Variants in HLTF observed in about 807,000 individuals in gnomAD.
HLTF encodes DNA-dependent ATPase/E3 ubiquitin-protein ligase HLTF.
A neutral mutation model predicts 129.4 loss-of-function variants in HLTF; 127 were observed. That is an observed-to-expected ratio of 0.98 (90% confidence interval 0.85 to 1.14). The LOEUF is 1.14. Among genes scored for constraint, HLTF ranks in the 50% most tolerant of loss-of-function variants. HLTF has a pLI of 0.00. For missense variants in HLTF, 1,139 were observed against 1,187.1 expected, an observed-to-expected ratio of 0.96 and a Z score of 0.60; for synonymous variants, 332 against 388.8, an observed-to-expected ratio of 0.85 and a Z score of 1.72.
At chr3:149,049,467 G>C (rs951765582) in intron 15 of HLTF, among the ~76,000 whole-genome samples, 2 of 152,020 alleles carry the variant, frequency 1.3e-5, no homozygotes, top group African/African-American at 2.4e-5. Flanking sequence ...TTTTCAAAAA[G>C]TTTTAACTTT....
Position 149,074,326 on chromosome 3 carries a change from T to C in HLTF, c.418A>G (p.Asn140Asp), listed in dbSNP as rs200515493. The change falls in exon 4 of 25, where the codon AAT becomes GAT. Residue 140 changes from asparagine (N) to aspartate (D), a missense_variant. Coordinates refer to ENST00000310053, the MANE Select transcript of HLTF (RefSeq NM_003071.4). ...IEGVVPFGAN[N>D]AFTMPLHMTF... ...ATATGCAGAGGCATGGTAAAAGCAT[T>C]GTTTGCACCAAAAGGAACTACCCTA... 6.2e-7 allele frequency: 1 copy of C among 1,612,754 alleles called. No homozygotes were observed. The highest frequency in any genetic ancestry group is 2.2e-5 in the East Asian group (1 of 44,800).
chr3:149,086,469 C>T lies in HLTF; in HGVS notation c.-133G>A. The T allele has an allele frequency of 9.7e-7, 1 of 1,027,366 alleles. No homozygotes were observed. The highest frequency in any genetic ancestry group is 1.4e-6 in the Non-Finnish European group (1 of 691,318). 63.6% of individuals were successfully genotyped at this position (1,027,366 alleles called of 1,614,324 possible). A position where few individuals can be genotyped will look rare whatever the true frequency, so the allele number is the denominator to read the frequency against. Reference sequence around the variant, plus strand: ...TTCCGAGCGCCGGATCAGGAGCGCACGACTGAAAGGTAAGTCGCCGCGAGT... The same window carrying T: ...TTCCGAGCGCCGGATCAGGAGCGCATGACTGAAAGGTAAGTCGCCGCGAGT... On this transcript the variant is annotated 5_prime_UTR_variant, in exon 1 of 25. In the 5' UTR this introduces an upstream ATG that the reference lacks. Transcript: ENST00000310053.
At chr3:149,040,305 C>T in intron 20 of HLTF, 149 bp from the exon 21 acceptor site, 1 of 642,074 alleles carries the variant, frequency 1.6e-6, no homozygotes, top group Non-Finnish European at 2.6e-6. Flanking sequence ...ATTTAAGAGA[C>T]ATCTGAACAT....
At chr3:149,059,177 T>A (rs1166113298) in intron 13 of HLTF, among the ~76,000 whole-genome samples, 1 of 151,866 alleles carries the variant, frequency 6.6e-6, no homozygotes, top group African/African-American at 2.4e-5. Flanking sequence ...ACAGATAGCC[T>A]GCTATATCCC....
intron 10 of HLTF, among the ~76,000 whole-genome samples, chr3:149,061,269 G>A (rs1470561154): frequency 6.6e-6 from 1 of 151,894 alleles, no homozygotes; most frequent in Non-Finnish European, 1.5e-5. Context: ...TTGATAGCCG[G>A]GCGTGGTGGT....
Position 149,073,238 on chromosome 3 carries a change from A to G in HLTF, c.614T>C (p.Met205Thr). The G allele has an allele frequency of 6.2e-7, 1 of 1,604,604 alleles. No homozygotes were observed. The highest frequency in any genetic ancestry group is 1.1e-5 in the South Asian group (1 of 88,926). ...AGAGAAGCACACCTGTTCAGTTGTC[A>G]TCTGTACTGCAGCATGCACTGGCAT... Reference protein sequence around the residue: ...YSMPVHAAVQMTTEQLKTEFD... With the variant: ...YSMPVHAAVQTTTEQLKTEFD... Residue 205 changes from methionine to threonine, a missense_variant, in exon 5 of 25, where the codon ATG (methionine) becomes ACG (threonine). Transcript: ENST00000310053.
chr3:149,069,762 A>G (rs962838353), intron 7 of HLTF, among the ~76,000 whole-genome samples: 1 of 152,222 alleles, frequency 6.6e-6, no homozygotes, highest in South Asian at 2.1e-4. Flanking sequence ...GAAAATGAAC[A>G]AAGTGAGGCT....
At chr3:149,077,618 T>G (rs1002287009) in intron 2 of HLTF, among the ~76,000 whole-genome samples, 1 of 151,240 alleles carries the variant, frequency 6.6e-6, no homozygotes, top group African/African-American at 2.4e-5. Flanking sequence ...CTGTGAGGGC[T>G]TTGAAAAGCT....
At chr3:149,076,255 G>A (rs1719346477) in intron 2 of HLTF, among the ~76,000 whole-genome samples, 1 of 151,816 alleles carries the variant, frequency 6.6e-6, no homozygotes, top group Non-Finnish European at 1.5e-5. Flanking sequence ...TATTCATTAG[G>A]AAGTTAACAA....
At chr3:149,086,123 C>T (rs911760897) in intron 1 of HLTF, among the ~76,000 whole-genome samples, 194 bp downstream of exon 1, 1 of 152,184 alleles carries the variant, frequency 6.6e-6, no homozygotes, top group Admixed American at 6.5e-5. Context: ...TAACACGGGA[C>T]TCGCCCTAGG....
Position 149,084,717 on chromosome 3 carries a change from C to T in HLTF, c.193G>A (p.Gly65Ser). Residue 65 changes from glycine (G) to serine (S), a missense_variant, in exon 2 of 25, where the codon GGT (glycine) becomes AGT (serine). Physicochemically the swap from Gly to Ser is moderately conservative, Grantham distance 56. Transcript: ENST00000310053. ...TAATAGCGTAGTCCAACCACATGAC[C>T]TCTCAAACTTCCAAATAAAACGGAA... ...VDSVLFGSLR[G>S]HVVGLRYYTG... 1 of 1,613,894 alleles carries T rather than the reference C, an allele frequency of 6.2e-7. No individual in the cohort carries two copies. Among genetic ancestry groups the T allele is most frequent in the Non-Finnish European group, 8.5e-7 (1 of 1,179,824 alleles).
chr3:149,034,572 A>G (rs1715408635), intron 24 of HLTF, among the ~76,000 whole-genome samples: 1 of 152,170 alleles, frequency 6.6e-6, no homozygotes, highest in Non-Finnish European at 1.5e-5. Flanking sequence ...CAAAATGGTA[A>G]ATTTTGTATT....
At chr3:149,061,413 AAAAATAAAATAAAAT>A (rs139954914) in intron 10 of HLTF, among the ~76,000 whole-genome samples, 2 of 150,322 alleles carry the variant, frequency 1.3e-5, no homozygotes, top group East Asian at 2.0e-4. Flanking sequence ...TCCATCTCAA[AAAAATAAAATAAAAT>A]AAAATAAAAT....
At chr3:149,060,933 A>T (rs1162491922) in intron 10 of HLTF, 75 bp from the exon 11 acceptor site, 5 of 994,142 alleles carry the variant, frequency 5.0e-6, no homozygotes, top group Non-Finnish European at 7.5e-6. Context: ...TGTTTAATAA[A>T]TGCAATAAAA....
At position 149,068,234 on chromosome 3, in the gene HLTF, C is replaced by T. The variant is rs41267869; in HGVS notation, c.990+6G>A. The T allele has an allele frequency of 5.2e-3, 7,084 of 1,350,984 alleles. 33 individuals are homozygous for T. The highest frequency in any genetic ancestry group is 6.9e-3 in the Non-Finnish European group (6,581 of 960,004). The allele number at this position is 1,350,984 out of a possible 1,614,324, so 83.7% of individuals were successfully genotyped here. A position where few individuals can be genotyped will look rare whatever the true frequency, so the allele number is the denominator to read the frequency against. On this transcript the variant is annotated splice_donor_region_variant and intron_variant, in intron 8 of 24. Coordinates refer to ENST00000310053, the MANE Select transcript of HLTF (RefSeq NM_003071.4). ...TTCACATAAAGCGCACTTACTACTA[C>T]TTTACCTTCTTCAGTAGATTCTTTT...
In HLTF at chr3:149,046,208, G is replaced by A. The variant is rs112020463; in HGVS notation, c.1944C>T (p.Ser648=). ...CCAAAACAGGTTTTCCTTTAATTTTGCTTGTCTTTGTTCTTCTAAGTGTAA... is the reference window on the plus strand; with the variant it reads ...CCAAAACAGGTTTTCCTTTAATTTTACTTGTCTTTGTTCTTCTAAGTGTAA... ...KNITLRRTKT[S]KIKGKPVLEL... The change falls in exon 18 of 25, where the codon AGC becomes AGT. Residue 648 remains serine, a synonymous_variant. Transcript: ENST00000310053. The A allele has an allele frequency of 3.3e-5, 53 of 1,603,812 alleles. 1 individual carries two copies. The African/African-American group carries it at 4.4e-4, about 13-fold the overall frequency.
At chr3:149,044,576 T>G (rs148882615) in intron 18 of HLTF, among the ~76,000 whole-genome samples, 182 of 152,220 alleles carry the variant, frequency 1.2e-3, no homozygotes, top group African/African-American at 4.3e-3. Flanking sequence ...GACTTTGAAC[T>G]CGACTCTCCT....
chr3:149,073,072 T>C lies in HLTF; in HGVS notation c.627+153A>G, dbSNP rs186716015. 7.2e-5 allele frequency among the ~76,000 whole-genome samples: 11 copies of C among 152,326 alleles called. No homozygotes were observed. The East Asian group carries it at 1.7e-3, about 24-fold the overall frequency. On this transcript the variant is annotated intron_variant, in intron 5 of 24. Coordinates refer to ENST00000310053, the MANE Select transcript of HLTF (RefSeq NM_003071.4). ...TTTTTATATAAAATGTTAACATATA[T>C]ATATTCTATTTATTCTATAACATGT...
chr3:149,068,422 A>G, intron 7 of HLTF, 87 bp from the exon 8 acceptor site: 1 of 620,836 alleles, frequency 1.6e-6, no homozygotes, highest in Non-Finnish European at 2.9e-6. Context: ...CAAGTAATCG[A>G]ATATCAAATA....
Sources: allele counts gnomAD v4.1 joint callset (sites outside exome capture counted in the v4.1 genomes callset), GRCh38; gene constraint gnomAD v4.1.1; transcripts MANE v1.5; gene names NCBI Gene and HGNC (gene_info 2026-07-23, HGNC 2026-07-21).